ANTXR1: variants seen among roughly 807,000 people sequenced by gnomAD.
The protein encoded by ANTXR1 is anthrax toxin receptor 1.
ANTXR1 carries 19 observed loss-of-function variants against 78.1 expected under a neutral mutation model. That is an observed-to-expected ratio of 0.24 (90% confidence interval 0.17 to 0.36). The LOEUF (loss-of-function observed/expected upper bound fraction) is 0.36. Among genes scored for constraint, ANTXR1 ranks in the 10% least tolerant of loss-of-function variants. The probability of loss-of-function intolerance (pLI) is 1.00; values close to 1 mark genes in which losing one functional copy is unlikely to be tolerated. For missense variants in ANTXR1, 518 were observed against 718.6 expected, an observed-to-expected ratio of 0.72 and a Z score of 3.19; for synonymous variants, 273 against 260.5, an observed-to-expected ratio of 1.05 and a Z score of -0.46.
chr2:69,042,845 T>C (rs1440246461), intron 2 of ANTXR1, among the ~76,000 whole-genome samples: 1 of 152,174 alleles, frequency 6.6e-6, no homozygotes, highest in Non-Finnish European at 1.5e-5. Flanking sequence ...AGGGGTTTCA[T>C]TGGATCCAGA....
intron 2 of ANTXR1, 112 bp downstream of exon 2, chr2:69,040,227 G>A: frequency 2.2e-6 from 2 of 929,450 alleles, no homozygotes; most frequent in Non-Finnish European, 3.4e-6. Context: ...TTTTGACTAA[G>A]TTGGGCTCTC....
At position 69,171,053 on chromosome 2, in the gene ANTXR1, T is replaced by A. The variant is rs139786906; in HGVS notation, c.1089+764T>A. On this transcript the variant is annotated intron_variant, in intron 14 of 17. Transcript: ENST00000303714. ...CACCCATTCAGAAGCCAGGGTTACA[T>A]ATCTAAACACTCAATGAGACCAAAA... Among the ~76,000 whole-genome samples the A allele has an allele frequency of 2.0e-5, 3 of 152,354 alleles. No individual in the cohort carries two copies. The East Asian group carries it at 5.8e-4, about 29-fold the overall frequency.
intron 12 of ANTXR1, among the ~76,000 whole-genome samples, chr2:69,150,834 C>G (rs1214947531): frequency 6.6e-6 from 1 of 151,852 alleles, no homozygotes; most frequent in Non-Finnish European, 1.5e-5. Context: ...GCCTGGACAA[C>G]AAAGTGAGAC....
At chr2:69,137,882 G>A (rs909395380) in intron 12 of ANTXR1, among the ~76,000 whole-genome samples, 2 of 151,474 alleles carry the variant, frequency 1.3e-5, no homozygotes, top group South Asian at 2.1e-4. Flanking sequence ...TCAGGAGTTC[G>A]AGATCAGCCT....
chr2:69,152,055 C>G lies in ANTXR1; in HGVS notation c.952-114C>G, dbSNP rs1279054720. On this transcript the variant is annotated intron_variant, in intron 12 of 17. Coordinates refer to ENST00000303714, the MANE Select transcript of ANTXR1 (RefSeq NM_032208.3). ...GGCAGAGTTTCAACCATTTGCTTGG[C>G]AAACTGTGCTGCTCTCTGAGCCTTA... 6 of 1,070,972 alleles carry G rather than the reference C, an allele frequency of 5.6e-6. No homozygotes were observed. In the African/African-American group the frequency reaches 7.7e-5, roughly 14 times the overall value. 66.3% of individuals were successfully genotyped at this position (1,070,972 alleles called of 1,614,324 possible).
At chr2:69,063,358 A>G (rs1257618941) in intron 3 of ANTXR1, among the ~76,000 whole-genome samples, 1 of 152,172 alleles carries the variant, frequency 6.6e-6, no homozygotes, top group Non-Finnish European at 1.5e-5. Context: ...AATGCAATCC[A>G]GAGAATGAAG....
chr2:69,149,935 C>G (rs1330132296), intron 12 of ANTXR1, among the ~76,000 whole-genome samples: 2 of 152,194 alleles, frequency 1.3e-5, no homozygotes, highest in Non-Finnish European at 2.9e-5. Flanking sequence ...CCAGAGCATC[C>G]CGTCGGCCAT....
chr2:69,111,635 T>C (rs1225478451), intron 10 of ANTXR1, among the ~76,000 whole-genome samples: 1 of 152,230 alleles, frequency 6.6e-6, no homozygotes, highest in African/African-American at 2.4e-5. Flanking sequence ...TGGTTTACTT[T>C]TGCACACTCT....
At chr2:69,120,673 A>AAAT (rs1558569714) in intron 10 of ANTXR1, among the ~76,000 whole-genome samples, 1 of 151,536 alleles carries the variant, frequency 6.6e-6, no homozygotes, top group African/African-American at 2.4e-5. Context: ...CAGAAAAAAA[A>AAAT]GATAATAATA....
chr2:69,183,537 G>A (rs1674331662), intron 16 of ANTXR1, among the ~76,000 whole-genome samples: 1 of 150,074 alleles, frequency 6.7e-6, no homozygotes, highest in Non-Finnish European at 1.5e-5. Context: ...AAGTAGCTGG[G>A]ACTACGGGCA....
rs142294569 is a variant in ANTXR1 at position 69,138,099 on chromosome 2, A to G, written c.951+13456A>G. Among the ~76,000 whole-genome samples the G allele has an allele frequency of 9.4e-3, 1,424 of 151,130 alleles. 21 individuals are homozygous for G. The highest frequency in any genetic ancestry group is 0.033 in the African/African-American group (1,351 of 40,990). On this transcript the variant is annotated intron_variant, in intron 12 of 17. Transcript: ENST00000303714. Reference sequence around the variant, plus strand: ...GACTCCATCTCAAAAAAAAAAGAAAAAAAAAAAAAGAAAGAAAAAAGAAAA... The same window carrying G: ...GACTCCATCTCAAAAAAAAAAGAAAGAAAAAAAAAGAAAGAAAAAAGAAAA...
At chr2:69,104,246 G>C (rs1671733110) in intron 10 of ANTXR1, among the ~76,000 whole-genome samples, 1 of 152,104 alleles carries the variant, frequency 6.6e-6, no homozygotes, top group African/African-American at 2.4e-5. Flanking sequence ...GCTCCTCATA[G>C]CCTTTTGAAG....
At chr2:69,242,336 T>C (rs948949766) in intron 17 of ANTXR1, among the ~76,000 whole-genome samples, 37 of 152,120 alleles carry the variant, frequency 2.4e-4, no homozygotes, top group Admixed American at 2.2e-3. Flanking sequence ...TGAGAGACCA[T>C]CTTTTAGTCT....
In ANTXR1 at chr2:69,051,014, G is replaced by T. The variant is rs75624082; in HGVS notation, c.296+6201G>T. Among the ~76,000 whole-genome samples, 2,404 of 152,092 alleles carry T rather than the reference G, an allele frequency of 0.016. 97 individuals are homozygous for T. The East Asian group carries it at 0.17, about 11-fold the overall frequency. ...GAAATAAAAGATAATTGCCCGGTGT[G>T]GTGACTCACACCTATAATCCCAGGA... On this transcript the variant is annotated intron_variant, in intron 3 of 17. Transcript: ENST00000303714.
At chr2:69,146,289 T>C in intron 12 of ANTXR1, 2 of 985,458 alleles carry the variant, frequency 2.0e-6, no homozygotes, top group South Asian at 9.4e-5. Context: ...CAGCTCCAGT[T>C]GCTCATCTGA....
chr2:69,229,580 G>A lies in ANTXR1; in HGVS notation c.1435-15645G>A, dbSNP rs537494441. On this transcript the variant is annotated intron_variant, in intron 17 of 17. Coordinates refer to ENST00000303714, the MANE Select transcript of ANTXR1 (RefSeq NM_032208.3). ...AAATTGAAAGACTATACTAATTGTC[G>A]TTCTAAGTAGTTAGAGTCATTTAAC... 5.9e-5 allele frequency among the ~76,000 whole-genome samples: 9 copies of A among 152,190 alleles called. No individual in the cohort carries two copies. In the East Asian group the frequency reaches 7.7e-4, roughly 13 times the overall value.
intron 10 of ANTXR1, among the ~76,000 whole-genome samples, chr2:69,113,841 T>G (rs147819760): frequency 4.7e-4 from 72 of 152,372 alleles, no homozygotes; most frequent in African/African-American, 1.7e-3. Context: ...TTTGTATTCT[T>G]AGCAAGTTAT....
intron 17 of ANTXR1, among the ~76,000 whole-genome samples, chr2:69,232,476 C>T (rs1209470546): frequency 4.1e-5 from 6 of 146,948 alleles, no homozygotes; most frequent in Admixed American, 1.4e-4. Flanking sequence ...CCAGCCTAGG[C>T]GACAGACCGA....
At chr2:69,216,535 C>G (rs1469731203) in intron 17 of ANTXR1, among the ~76,000 whole-genome samples, 3 of 152,114 alleles carry the variant, frequency 2.0e-5, no homozygotes, top group African/African-American at 7.2e-5. Context: ...TTCAAACCTC[C>G]CCCTCAGAAT....
Sources: gnomAD v4.1 joint callset for allele counts (sites outside exome capture counted in the v4.1 genomes callset) on GRCh38, gnomAD v4.1.1 for gene constraint, MANE v1.5 for transcripts, NCBI Gene and HGNC (gene_info 2026-07-23, HGNC 2026-07-21) for gene names.